Variants in HPCAL1 observed in about 807,000 individuals in gnomAD.
HPCAL1 encodes the protein hippocalcin-like protein 1.
Under a neutral mutation model 17.1 loss-of-function variants are expected in HPCAL1, and 8 were observed. The observed-to-expected ratio is 0.47, with a 90% confidence interval of 0.27 to 0.84. The LOEUF is 0.84. HPCAL1 is among the 40% of genes least tolerant of loss of function. HPCAL1 has a pLI of 0.13. For synonymous variants in HPCAL1, 112 were observed against 111.4 expected (o/e 1.01, Z -0.03); for missense variants, 165 against 271.1 (o/e 0.61, Z 2.75).
chr2:10,361,562 AAGCCC>A (rs1666528455), intron 1 of HPCAL1, among the ~76,000 whole-genome samples: 1 of 152,136 alleles, frequency 6.6e-6, no homozygotes, highest in Non-Finnish European at 1.5e-5. Context: ...ACAGGTGTGA[AAGCCC>A]TTCTTATGTT....
Position 10,356,749 on chromosome 2 carries a change from C to T in HPCAL1, c.-110-40086C>T, listed in dbSNP as rs188184544. On this transcript the variant is annotated intron_variant, in intron 1 of 4. Coordinates refer to ENST00000307845, the MANE Select transcript of HPCAL1 (RefSeq NM_002149.4). ...TGCTCTCACCTGTGGGCTCCCGGGCCCAGCCATGCTCTTGGTGTTCCCTCA... is the reference window on the plus strand; with the variant it reads ...TGCTCTCACCTGTGGGCTCCCGGGCTCAGCCATGCTCTTGGTGTTCCCTCA... Among the ~76,000 whole-genome samples the T allele has an allele frequency of 7.6e-4, 115 of 152,222 alleles. 4 individuals are homozygous for T. The highest frequency in any genetic ancestry group is 2.6e-3 in the African/African-American group (108 of 41,528).
At chr2:10,348,656 A>G (rs1040093385) in intron 1 of HPCAL1, among the ~76,000 whole-genome samples, 3 of 150,934 alleles carry the variant, frequency 2.0e-5, no homozygotes, top group Non-Finnish European at 4.4e-5. Flanking sequence ...ATGTGCATCT[A>G]CAGTCCCAGC....
At chr2:10,399,682 G>T (rs1006442368) in intron 2 of HPCAL1, among the ~76,000 whole-genome samples, 2 of 151,834 alleles carry the variant, frequency 1.3e-5, no homozygotes, top group African/African-American at 4.8e-5. Context: ...TGTGGGTCAG[G>T]TGATGGGCAC....
Position 10,367,805 on chromosome 2 carries a change from C to T in HPCAL1, c.-110-29030C>T, listed in dbSNP as rs1220150244. ...CAGCCTCTGCTGCTGCGGCCACCCT[C>T]GCCGGCCCTGGATCCCCACACAGTG... On this transcript the variant is annotated intron_variant, in intron 1 of 4. Transcript: ENST00000307845. The surrounding 1 kb of genome is among the most constrained non-coding windows in gnomAD (Gnocchi z 4.4). Among the ~76,000 whole-genome samples the T allele has an allele frequency of 6.6e-6, 1 of 152,156 alleles. No individual in the cohort carries two copies. The highest frequency in any genetic ancestry group is 1.5e-5 in the Non-Finnish European group (1 of 68,034).
chr2:10,308,816 C>G (rs1214962455), intron 1 of HPCAL1, among the ~76,000 whole-genome samples: 2 of 152,146 alleles, frequency 1.3e-5, no homozygotes, highest in Non-Finnish European at 2.9e-5. Flanking sequence ...GTGATGTGAG[C>G]CCTGCTACAT....
At chr2:10,313,870 T>C (rs958531815) in intron 1 of HPCAL1, among the ~76,000 whole-genome samples, 1 of 152,332 alleles carries the variant, frequency 6.6e-6, no homozygotes, top group East Asian at 1.9e-4. Flanking sequence ...TGGTGGCTCA[T>C]GCCTGTAATC....
chr2:10,342,893 G>C lies in HPCAL1; in HGVS notation c.-111+39716G>C, dbSNP rs1319489126. 6.6e-6 allele frequency among the ~76,000 whole-genome samples: 1 copy of C among 152,280 alleles called. No individual in the cohort carries two copies. The highest frequency in any genetic ancestry group is 3.4e-3 in the Middle Eastern group (1 of 294). On this transcript the variant is annotated intron_variant, in intron 1 of 4. Coordinates refer to ENST00000307845, the MANE Select transcript of HPCAL1 (RefSeq NM_002149.4). This position sits in a 1 kb window ranked among gnomAD's most constrained non-coding sequence, Gnocchi z 4.1. ...TGGGTGGCAGTTGGTACCTCTCCCC[G>C]CTGCCTTCCCCCGGCCCCTTTTTGG...
At chr2:10,335,471 G>C (rs1013701739) in intron 1 of HPCAL1, among the ~76,000 whole-genome samples, 2 of 152,202 alleles carry the variant, frequency 1.3e-5, no homozygotes, top group African/African-American at 4.8e-5. Context: ...CCTGAAAACA[G>C]CAAAGGGGAA....
chr2:10,316,471 C>T (rs969698108), intron 1 of HPCAL1, among the ~76,000 whole-genome samples: 2 of 152,170 alleles, frequency 1.3e-5, no homozygotes, highest in Non-Finnish European at 2.9e-5. Flanking sequence ...TATTTCTTTG[C>T]TGGCTGGTAA....
chr2:10,306,738 A>G (rs1360778345), intron 1 of HPCAL1, among the ~76,000 whole-genome samples: 1 of 152,260 alleles, frequency 6.6e-6, no homozygotes, highest in Non-Finnish European at 1.5e-5. Context: ...GCTGATGAGC[A>G]GGGCGCAAGT....
intron 4 of HPCAL1, chr2:10,424,662 G>A (rs1671290885): frequency 2.1e-6 from 1 of 469,706 alleles, no homozygotes; most frequent in African/African-American, 2.0e-5. Context: ...TGCCTGCTGG[G>A]ATGGAGCACT....
At chr2:10,337,652 G>A (rs568147966) in intron 1 of HPCAL1, among the ~76,000 whole-genome samples, 43 of 152,284 alleles carry the variant, frequency 2.8e-4, no homozygotes, top group Admixed American at 1.2e-3. Context: ...TGCACAGCTG[G>A]GGATGAGGCG....
At position 10,330,263 on chromosome 2, in the gene HPCAL1, G is replaced by A. The variant is rs1332767554; in HGVS notation, c.-111+27086G>A. 6.6e-6 allele frequency: 1 copy of A among 152,194 alleles called. No individual in the cohort carries two copies. The highest frequency in any genetic ancestry group is 1.9e-4 in the East Asian group (1 of 5,200). 9.4% of individuals were successfully genotyped at this position (152,194 alleles called of 1,614,324 possible). A position where few individuals can be genotyped will look rare whatever the true frequency, so the allele number is the denominator to read the frequency against. ...TAGATGCTTCTGACATGGACAAAAG[G>A]AGAATTCCTGACTTTTTGGTGGATG... On this transcript the variant is annotated intron_variant, in intron 1 of 4. Coordinates refer to ENST00000307845, the MANE Select transcript of HPCAL1 (RefSeq NM_002149.4). The surrounding 1 kb of genome is among the most constrained non-coding windows in gnomAD (Gnocchi z 4.2).
Position 10,342,312 on chromosome 2 carries a change from C to T in HPCAL1, c.-111+39135C>T, listed in dbSNP as rs1362458348. ...ACAGGCCGAGGTGGGGACCCTGCCT[C>T]GCCCGCCTCCAGGGGCACACTGCAT... On this transcript the variant is annotated intron_variant, in intron 1 of 4. Coordinates refer to ENST00000307845, the MANE Select transcript of HPCAL1 (RefSeq NM_002149.4). This position sits in a 1 kb window ranked among gnomAD's most constrained non-coding sequence, Gnocchi z 4.1. 6.6e-6 allele frequency among the ~76,000 whole-genome samples: 1 copy of T among 152,214 alleles called. No homozygotes were observed. The highest frequency in any genetic ancestry group is 6.5e-5 in the Admixed American group (1 of 15,282).
intron 1 of HPCAL1, among the ~76,000 whole-genome samples, chr2:10,366,200 A>G (rs1273494688): frequency 6.6e-6 from 1 of 152,092 alleles, no homozygotes; most frequent in Non-Finnish European, 1.5e-5. Context: ...GGGTCCCTTA[A>G]GGAGCAAAGT....
intron 1 of HPCAL1, among the ~76,000 whole-genome samples, chr2:10,335,200 T>C (rs1359411736): frequency 2.0e-5 from 3 of 152,170 alleles, no homozygotes; most frequent in Non-Finnish European, 2.9e-5. Flanking sequence ...TTCTAACAAA[T>C]AGAACACAGC....
In HPCAL1 at chr2:10,427,091, C is replaced by T. The variant is rs1671464104; in HGVS notation, c.*270C>T. On this transcript the variant is annotated 3_prime_UTR_variant, in exon 5 of 5. Coordinates refer to ENST00000307845, the MANE Select transcript of HPCAL1 (RefSeq NM_002149.4). ...TTCAAGTGTTCTTGGTTCCAGGCAC[C>T]TCCCGGCTCACGGGGAGCTCAGAGG... is the stretch of plus-strand genomic sequence containing the variant. 5 of 460,668 alleles carry T rather than the reference C, an allele frequency of 1.1e-5. No homozygotes were observed. In the South Asian group the frequency reaches 1.1e-4, roughly 11 times the overall value. 28.5% of individuals were successfully genotyped at this position (460,668 alleles called of 1,614,324 possible). A position where few individuals can be genotyped will look rare whatever the true frequency, so the allele number is the denominator to read the frequency against.
intron 2 of HPCAL1, among the ~76,000 whole-genome samples, chr2:10,408,325 G>C (rs931413532): frequency 2.0e-5 from 3 of 152,192 alleles, no homozygotes; most frequent in African/African-American, 7.2e-5. Context: ...GAGTTGTGGG[G>C]AGTTTAAGAG....
chr2:10,392,956 C>G (rs570427262), intron 1 of HPCAL1, among the ~76,000 whole-genome samples: 1 of 152,340 alleles, frequency 6.6e-6, no homozygotes, highest in South Asian at 2.1e-4. Flanking sequence ...ATCTTCTAAC[C>G]TCCTCTCCCA....
Sources: gnomAD v4.1 joint callset for allele counts (sites outside exome capture counted in the v4.1 genomes callset) on GRCh38, gnomAD v4.1.1 for gene constraint, Gnocchi (gnomAD v3.1) non-coding constraint, MANE v1.5 for transcripts, NCBI Gene and HGNC (gene_info 2026-07-23, HGNC 2026-07-21) for gene names.